Variants in FRMPD4 observed in about 807,000 individuals in gnomAD.
FRMPD4 encodes FERM and PDZ domain-containing protein 4.
Under a neutral mutation model 94.1 loss-of-function variants are expected in FRMPD4, and 22 were observed. The observed-to-expected ratio is 0.23, with a 90% CI of 0.17 to 0.33. The LOEUF (loss-of-function observed/expected upper bound fraction) is 0.33. Among genes scored for constraint, FRMPD4 ranks in the 10% least tolerant of loss-of-function variants. The pLI, the probability that FRMPD4 is intolerant of heterozygous loss-of-function variation, is 1.00. For synonymous variants in FRMPD4, 631 were observed against 548.6 expected (o/e 1.15, Z -2.10); for missense variants, 1,111 against 1,339.9 (o/e 0.83, Z 2.67).
At chrX:12,575,775 T>C (rs2058806050) in intron 2 of FRMPD4, among the ~76,000 whole-genome samples, 1 of 111,406 alleles carries the variant, frequency 9.0e-6, no homozygotes, top group Non-Finnish European at 1.9e-5. Context: ...TGAAAAAGAC[T>C]TGATGGGCCA....
At chrX:12,217,004 A>G (rs768602644) in intron 1 of FRMPD4, among the ~76,000 whole-genome samples, 16 of 112,071 alleles carry the variant, frequency 1.4e-4, no homozygotes, top group Non-Finnish European at 1.7e-4. Flanking sequence ...CAGAAATTCT[A>G]TGTGAAGGGG....
At chrX:12,536,058 T>C (rs2058335538) in intron 2 of FRMPD4, among the ~76,000 whole-genome samples, 1 of 56,162 alleles carries the variant, frequency 1.8e-5, no homozygotes, top group Middle Eastern at 0.01. Context: ...TAACAGAAAA[T>C]ATATAAGGAT....
chrX:12,609,641 T>C, intron 2 of FRMPD4, 80 bp from the exon 3 acceptor site: 3 of 845,951 alleles, frequency 3.5e-6, no homozygotes, highest in Non-Finnish European at 5.2e-6. Context: ...GGTTTTGAAA[T>C]TAAAGAGAAT....
chrX:12,376,370 C>T (rs2056237509), intron 1 of FRMPD4, among the ~76,000 whole-genome samples: 1 of 112,416 alleles, frequency 8.9e-6, no homozygotes. Flanking sequence ...CTAACATATG[C>T]ATCTGTTTCT....
Position 12,670,633 on chromosome X carries a change from C to A in FRMPD4, c.423-4230C>A, listed in dbSNP as rs189730592. ...AACGTAAGACCTAAAACCATAAAAA[C>A]CCTAGTAGAAAACCTAGGCAATAAC... is the stretch of plus-strand genomic sequence containing the variant. On this transcript the variant is annotated intron_variant, in intron 4 of 16. Transcript: ENST00000675598. Among the ~76,000 whole-genome samples the A allele has an allele frequency of 9.1e-3, 1,024 of 112,088 alleles. 12 individuals carry two copies. Among genetic ancestry groups the A allele is most frequent in the African/African-American group, 0.031 (945 of 30,836 alleles).
intron 3 of FRMPD4, among the ~76,000 whole-genome samples, chrX:11,930,447 A>G (rs1158232602): frequency 9.0e-6 from 1 of 111,232 alleles, no homozygotes; most frequent in Admixed American, 9.6e-5. Context: ...GAGAAGAAAC[A>G]TACACACAGA....
chrX:12,233,977 A>ATTTAT (rs2057042412), intron 1 of FRMPD4, among the ~76,000 whole-genome samples: 6 of 103,194 alleles, frequency 5.8e-5, no homozygotes, highest in Admixed American at 1.1e-4. Context: ...GAATGAATGA[A>ATTTAT]TTATTTATTT....
At chrX:12,432,783 T>G (rs1569274041) in intron 1 of FRMPD4, among the ~76,000 whole-genome samples, 1 of 112,253 alleles carries the variant, frequency 8.9e-6, no homozygotes, top group East Asian at 2.8e-4. Context: ...CTATCATTAG[T>G]AGAGAGGAGG....
chrX:12,506,306 T>A (rs2057984578), intron 2 of FRMPD4, among the ~76,000 whole-genome samples: 4 of 111,875 alleles, frequency 3.6e-5, no homozygotes, highest in Non-Finnish European at 7.5e-5. Flanking sequence ...GACTTTTTTT[T>A]TAAGACAAAG....
intron 1 of FRMPD4, among the ~76,000 whole-genome samples, chrX:12,397,386 A>G (rs1334875522): frequency 3.6e-5 from 4 of 112,066 alleles, no homozygotes; most frequent in Non-Finnish European, 7.5e-5. Flanking sequence ...GTGTTAAAGC[A>G]ATGTGAGTAA....
At chrX:12,547,779 CA>C in intron 2 of FRMPD4, among the ~76,000 whole-genome samples, 1 of 112,138 alleles carries the variant, frequency 8.9e-6, no homozygotes, top group Admixed American at 9.5e-5. Context: ...TTTGCATTAA[CA>C]AACATCAACC....
chrX:12,238,275 C>A (rs1461553167), intron 1 of FRMPD4, among the ~76,000 whole-genome samples: 1 of 111,052 alleles, frequency 9.0e-6, no homozygotes, highest in Non-Finnish European at 1.9e-5. Flanking sequence ...CATGCATGCA[C>A]CACCACACCT....
At chrX:11,928,415 A>G (rs988065591) in intron 3 of FRMPD4, among the ~76,000 whole-genome samples, 2 of 111,408 alleles carry the variant, frequency 1.8e-5, no homozygotes. Flanking sequence ...GCCCCATATA[A>G]AACCATCAGA....
intron 1 of FRMPD4, among the ~76,000 whole-genome samples, chrX:12,380,890 CAG>C (rs2056309223): frequency 9.0e-6 from 1 of 111,630 alleles, no homozygotes; most frequent in Admixed American, 9.5e-5. Flanking sequence ...GTTGAGAGGA[CAG>C]AGAGACAGGC....
intron 1 of FRMPD4, among the ~76,000 whole-genome samples, chrX:11,849,991 A>C (rs2053611204): frequency 8.9e-6 from 1 of 112,113 alleles, no homozygotes; most frequent in Non-Finnish European, 1.9e-5. Flanking sequence ...TGGAAAGCCA[A>C]CCTATGGAAT....
At chrX:12,311,502 A>G (rs764842116) in intron 1 of FRMPD4, among the ~76,000 whole-genome samples, 28 of 110,685 alleles carry the variant, frequency 2.5e-4, no homozygotes, top group African/African-American at 7.9e-4. Context: ...TCTTTTCTTC[A>G]TGCATCTTAA....
chrX:12,329,136 G>C (rs2055332489), intron 1 of FRMPD4, among the ~76,000 whole-genome samples: 1 of 111,629 alleles, frequency 9.0e-6, no homozygotes, highest in South Asian at 3.8e-4. Context: ...AGTGCTAATG[G>C]ACTGAGTGGG....
chrX:12,324,447 G>T (rs970770927), intron 1 of FRMPD4, among the ~76,000 whole-genome samples: 1 of 111,890 alleles, frequency 8.9e-6, no homozygotes, highest in Non-Finnish European at 1.9e-5. Context: ...AATATCAAAA[G>T]GCATTTCTTG....
chrX:11,899,259 A>G (rs943606207), intron 3 of FRMPD4, among the ~76,000 whole-genome samples: 1 of 111,862 alleles, frequency 8.9e-6, no homozygotes, highest in Non-Finnish European at 1.9e-5. Flanking sequence ...TGACTATAGC[A>G]AGAGGAATGT....
Sources: gnomAD v4.1 joint callset for allele counts (sites outside exome capture counted in the v4.1 genomes callset) on GRCh38, gnomAD v4.1.1 for gene constraint, MANE v1.5 for transcripts, NCBI Gene and HGNC (gene_info 2026-07-23, HGNC 2026-07-21) for gene names.